FHIT: variants seen among roughly 807,000 people sequenced by gnomAD.
FHIT encodes bis(5'-adenosyl)-triphosphatase.
FHIT carries 19 observed loss-of-function variants against 17.9 expected under a neutral mutation model. The observed-to-expected ratio is 1.06, with a 90% CI of 0.74 to 1.56. The LOEUF (loss-of-function observed/expected upper bound fraction) is 1.56. Among genes scored for constraint, FHIT ranks in the 40% most tolerant of loss-of-function variants. FHIT has a pLI of 0.00. For missense variants in FHIT, 248 were observed against 189.2 expected (o/e 1.31, Z -1.82); for synonymous variants, 81 against 69.7 (o/e 1.16, Z -0.81).
chr3:60,247,955 A>G (rs1295908768), intron 5 of FHIT, among the ~76,000 whole-genome samples: 1 of 152,186 alleles, frequency 6.6e-6, no homozygotes, highest in Non-Finnish European at 1.5e-5. Flanking sequence ...TTTTAAATCG[A>G]TAAGCACATG....
chr3:60,639,474 GA>G (rs1366846430), intron 4 of FHIT, among the ~76,000 whole-genome samples: 1 of 152,154 alleles, frequency 6.6e-6, no homozygotes, highest in Non-Finnish European at 1.5e-5. Context: ...TTGCAATTTA[GA>G]AGACACTAAG....
chr3:60,062,987 C>A (rs1216006193), intron 5 of FHIT, among the ~76,000 whole-genome samples: 1 of 152,090 alleles, frequency 6.6e-6, no homozygotes, highest in African/African-American at 2.4e-5. Flanking sequence ...AAGAAATGTT[C>A]CACAATGAGA....
intron 3 of FHIT, among the ~76,000 whole-genome samples, chr3:60,955,608 A>ATG (rs1559862224): frequency 1.4e-3 from 14 of 9,664 alleles, no homozygotes; most frequent in South Asian, 0.011. Flanking sequence ...ATATATATAT[A>ATG]TATATATATA....
At chr3:59,779,407 G>A (rs1016606400) in intron 8 of FHIT, among the ~76,000 whole-genome samples, 1 of 152,118 alleles carries the variant, frequency 6.6e-6, no homozygotes, top group African/African-American at 2.4e-5. Flanking sequence ...TTGCCTTTGT[G>A]GTGGTTGTCT....
chr3:60,017,038 C>T (rs1023764608), intron 5 of FHIT, among the ~76,000 whole-genome samples: 34 of 152,130 alleles, frequency 2.2e-4, no homozygotes, highest in African/African-American at 7.7e-4. Context: ...GAATTCAACC[C>T]GTCTGTCCGA....
intron 3 of FHIT, among the ~76,000 whole-genome samples, chr3:61,041,169 A>G (rs757196747): frequency 2.0e-5 from 3 of 152,078 alleles, no homozygotes; most frequent in Non-Finnish European, 4.4e-5. Context: ...TCACGAGGTC[A>G]AGAGATCGAC....
intron 5 of FHIT, among the ~76,000 whole-genome samples, chr3:60,434,821 C>CT (rs1447871244): frequency 6.6e-6 from 1 of 152,066 alleles, no homozygotes; most frequent in African/African-American, 2.4e-5. Context: ...CTCTTTCATT[C>CT]TTTACCCATT....
chr3:61,069,456 C>T lies in FHIT; in HGVS notation c.-163-27357G>A, dbSNP rs1484153160. Among the ~76,000 whole-genome samples, 4 of 152,158 alleles carry T rather than the reference C, an allele frequency of 2.6e-5. No homozygotes were observed. The East Asian group carries it at 5.8e-4, about 22-fold the overall frequency. On this transcript the variant is annotated intron_variant, in intron 2 of 9. Transcript: ENST00000492590. ...CCCAACATCTCGCAGATGATTCTAACGTGTAGCCATGATTAAGGACTGTTA... is the reference window on the plus strand; with the variant it reads ...CCCAACATCTCGCAGATGATTCTAATGTGTAGCCATGATTAAGGACTGTTA...
intron 3 of FHIT, among the ~76,000 whole-genome samples, chr3:60,911,125 G>A (rs904791244): frequency 7.9e-5 from 12 of 152,154 alleles, no homozygotes; most frequent in Non-Finnish European, 1.5e-4. Context: ...TGGTTTAAAA[G>A]GAAGTTCCAA....
intron 3 of FHIT, among the ~76,000 whole-genome samples, chr3:60,882,452 G>A (rs187699572): frequency 6.6e-6 from 1 of 152,154 alleles, no homozygotes; most frequent in East Asian, 1.9e-4. Flanking sequence ...GATGAACATC[G>A]ATGCAAACAT....
At chr3:60,282,565 G>A (rs1182941352) in intron 5 of FHIT, among the ~76,000 whole-genome samples, 1 of 152,096 alleles carries the variant, frequency 6.6e-6, no homozygotes, top group Non-Finnish European at 1.5e-5. Flanking sequence ...AGTAAAGTAT[G>A]AACTTCAGTT....
chr3:60,903,829 A>G (rs998669115), intron 3 of FHIT, among the ~76,000 whole-genome samples: 4 of 152,206 alleles, frequency 2.6e-5, no homozygotes, highest in African/African-American at 9.7e-5. Flanking sequence ...ACTGCCAATG[A>G]GGAAGTCAGG....
chr3:60,994,079 A>C (rs1055987975), intron 3 of FHIT, among the ~76,000 whole-genome samples: 2 of 152,364 alleles, frequency 1.3e-5, no homozygotes, highest in Non-Finnish European at 2.9e-5. Context: ...CATGCTGTAC[A>C]TGCCGAAATG....
intron 3 of FHIT, among the ~76,000 whole-genome samples, chr3:60,870,098 G>T (rs964046426): frequency 6.6e-6 from 1 of 151,936 alleles, no homozygotes. Flanking sequence ...TTTCCTTCTT[G>T]GTCTGACATA....
chr3:60,280,219 G>A lies in FHIT; in HGVS notation c.103+256641C>T, dbSNP rs779764810. Among the ~76,000 whole-genome samples, 18 of 151,892 alleles carry A rather than the reference G, an allele frequency of 1.2e-4. 1 individual carries two copies. Among genetic ancestry groups the A allele is most frequent in the Non-Finnish European group, 1.2e-4 (8 of 68,004 alleles). On this transcript the variant is annotated intron_variant, in intron 5 of 9. Transcript: ENST00000492590. ...GCAAACTAGGAATAGATGAAACTTC[G>A]TCAACTCGATACCAAAAAATCTACA... is the stretch of plus-strand genomic sequence containing the variant.
intron 4 of FHIT, among the ~76,000 whole-genome samples, chr3:60,569,755 A>ATATATATATATATTTTTTTTTTT: frequency 1.3e-5 from 1 of 77,344 alleles, no homozygotes. Context: ...ATATATATAT[A>ATATATATATATATTTTTTTTTTT]TTTTTTTTTT....
intron 5 of FHIT, among the ~76,000 whole-genome samples, chr3:60,371,774 G>A (rs972083843): frequency 5.9e-5 from 9 of 151,602 alleles, no homozygotes; most frequent in Non-Finnish European, 1.2e-4. Context: ...GGACATTGGG[G>A]AAGTAAAGAG....
At chr3:60,775,319 G>A (rs1700183517) in intron 4 of FHIT, among the ~76,000 whole-genome samples, 1 of 152,100 alleles carries the variant, frequency 6.6e-6, no homozygotes, top group Non-Finnish European at 1.5e-5. Context: ...AGGTGAGGAG[G>A]GGTCCCCAGA....
chr3:60,758,581 G>C (rs80061860), intron 4 of FHIT, among the ~76,000 whole-genome samples: 2,797 of 152,280 alleles, frequency 0.018, 88 homozygotes, highest in African/African-American at 0.062. Context: ...TGGGCGTGCG[G>C]ATTCAGAAAA....
Sources: allele counts gnomAD v4.1 joint callset (sites outside exome capture counted in the v4.1 genomes callset), GRCh38; gene constraint gnomAD v4.1.1; transcripts MANE v1.5; gene names NCBI Gene and HGNC (gene_info 2026-07-23, HGNC 2026-07-21).